ANKRD13C: variants seen among roughly 807,000 people sequenced by gnomAD.
The protein encoded by ANKRD13C is ankyrin repeat domain 13C, also known as ankyrin repeat domain-containing protein 13C.
Under a neutral mutation model 65.5 loss-of-function variants are expected in ANKRD13C, and 16 were observed. That is an observed-to-expected ratio of 0.24 (90% CI 0.17 to 0.37). The LOEUF (loss-of-function observed/expected upper bound fraction) is 0.37, where lower values mean the gene tolerates loss of function less well. ANKRD13C is among the 10% of genes least tolerant of loss of function. The pLI is 1.00. For missense variants in ANKRD13C, 503 were observed against 655.9 expected, an observed-to-expected ratio of 0.77 and a Z score of 2.55; for synonymous variants, 235 against 238.7, an observed-to-expected ratio of 0.98 and a Z score of 0.14.
chr1:70,262,210 T>C lies in ANKRD13C; in HGVS notation c.*507A>G, dbSNP rs1046688450. 2.0e-5 allele frequency: 3 copies of C among 152,648 alleles called. No homozygotes were observed. The highest frequency in any genetic ancestry group is 4.4e-5 in the Non-Finnish European group (3 of 68,044). 9.5% of individuals were successfully genotyped at this position (152,648 alleles called of 1,614,324 possible). Reference sequence around the variant, plus strand: ...AACAAACATTCAAATTACTGAACTATACATAATGTTACATAGTTTACATTT... The same window carrying C: ...AACAAACATTCAAATTACTGAACTACACATAATGTTACATAGTTTACATTT... On this transcript the variant is annotated 3_prime_UTR_variant, in exon 13 of 13. Transcript: ENST00000370944.
Position 70,309,715 on chromosome 1 carries a change from C to CAAA in ANKRD13C, c.710-3428_710-3426dup, listed in dbSNP as rs1165416550. ...TGGGCGACAGAGCCAGACTCCGTCG[C>CAAA]AAAAAAAAAAAAAAAAAAATAATAA... is the stretch of plus-strand genomic sequence containing the variant. On this transcript the variant is annotated intron_variant, in intron 5 of 12. Coordinates refer to ENST00000370944, the MANE Select transcript of ANKRD13C (RefSeq NM_030816.5). Among the ~76,000 whole-genome samples, 484 of 138,756 alleles carry CAAA rather than the reference C, an allele frequency of 3.5e-3. 1 individual carries two copies. The highest frequency in any genetic ancestry group is 0.01 in the African/African-American group (393 of 37,724). 91.0% of individuals were successfully genotyped at this position (138,756 alleles called of 152,430 possible).
intron 1 of ANKRD13C, among the ~76,000 whole-genome samples, chr1:70,339,801 T>A (rs1030470824): frequency 1.8e-4 from 26 of 146,664 alleles, no homozygotes; most frequent in African/African-American, 6.2e-4. Flanking sequence ...CTTTTTCTCT[T>A]GATCAGTACG....
intron 5 of ANKRD13C, among the ~76,000 whole-genome samples, chr1:70,311,073 A>G (rs1680827162): frequency 6.6e-6 from 1 of 152,250 alleles, no homozygotes; most frequent in African/African-American, 2.4e-5. Context: ...AGAATTTAAA[A>G]TTCTCTATAC....
chr1:70,340,939 C>T (rs1364595542), intron 1 of ANKRD13C, among the ~76,000 whole-genome samples: 2 of 152,086 alleles, frequency 1.3e-5, no homozygotes, highest in African/African-American at 4.8e-5. Flanking sequence ...GGTGAAACCC[C>T]GTCTCTACTA....
intron 8 of ANKRD13C, among the ~76,000 whole-genome samples, chr1:70,293,122 C>T (rs1679929444): frequency 1.3e-5 from 2 of 152,062 alleles, no homozygotes. Flanking sequence ...AAAGAGTACC[C>T]TTGCTCACCA....
chr1:70,278,303 G>A (rs1679230364), intron 9 of ANKRD13C, among the ~76,000 whole-genome samples: 2 of 151,796 alleles, frequency 1.3e-5, no homozygotes, highest in South Asian at 4.2e-4. Context: ...GACCAGCCTG[G>A]CCTATATGGT....
rs969102196 is a variant in ANKRD13C, at chr1:70,292,438, T to C, written c.1165A>G (p.Ile389Val). 2.5e-6 allele frequency: 4 copies of C among 1,607,618 alleles called. No individual in the cohort carries two copies. Among genetic ancestry groups the C allele is most frequent in the Non-Finnish European group, 3.4e-6 (4 of 1,178,428 alleles). Residue 389 changes from isoleucine to valine, a missense_variant, in exon 9 of 13, where the codon ATC (isoleucine) becomes GTC (valine). By Grantham distance (29) the Ile-to-Val change is conservative. Coordinates refer to ENST00000370944, the MANE Select transcript of ANKRD13C (RefSeq NM_030816.5). Reference protein sequence around the residue: ...SEEDILRNKAIMESLSKGGNI... With the variant: ...SEEDILRNKAVMESLSKGGNI... ...CCACCTTTACTCAAACTCTCCATGA[T>C]GGCCTTATTTCGAAGAATATCCTCT...
intron 5 of ANKRD13C, among the ~76,000 whole-genome samples, chr1:70,308,597 G>A (rs1457212688): frequency 6.6e-6 from 1 of 151,962 alleles, no homozygotes; most frequent in Non-Finnish European, 1.5e-5. Context: ...AAATTAGCCA[G>A]GTGTGGTGGC....
chr1:70,306,346 C>A, intron 5 of ANKRD13C, 56 bp from the exon 6 acceptor site: 1 of 1,158,002 alleles, frequency 8.6e-7, no homozygotes, highest in Non-Finnish European at 1.2e-6. Context: ...GAGATATTTA[C>A]AAACTTTTAA....
chr1:70,340,714 G>C (rs921747498), intron 1 of ANKRD13C, among the ~76,000 whole-genome samples: 1 of 152,164 alleles, frequency 6.6e-6, no homozygotes, highest in African/African-American at 2.4e-5. Context: ...TTGAAGCCAT[G>C]TTATCAAGTG....
intron 7 of ANKRD13C, among the ~76,000 whole-genome samples, chr1:70,299,233 T>C (rs1313017741): frequency 4.6e-5 from 7 of 152,148 alleles, no homozygotes; most frequent in African/African-American, 1.7e-4. Context: ...CTGGCACATC[T>C]GACAAACTGC....
intron 2 of ANKRD13C, among the ~76,000 whole-genome samples, chr1:70,332,067 C>A (rs1319706443): frequency 6.6e-6 from 1 of 152,140 alleles, no homozygotes; most frequent in Non-Finnish European, 1.5e-5. Context: ...GTTGTGTCTA[C>A]TCTATTTGAA....
Position 70,354,714 on chromosome 1 carries a change from C to A in ANKRD13C, c.-306G>T. ...CGAAAAACAGGGCACGGCCATCTTCCTCTTGCTCCTCTCGCGAGAGCTCCC... is the reference window on the plus strand; with the variant it reads ...CGAAAAACAGGGCACGGCCATCTTCATCTTGCTCCTCTCGCGAGAGCTCCC... On this transcript the variant is annotated 5_prime_UTR_variant, in exon 1 of 13. The change creates a new upstream start codon in the 5' untranslated region. Coordinates refer to ENST00000370944, the MANE Select transcript of ANKRD13C (RefSeq NM_030816.5). 1.4e-6 allele frequency: 1 copy of A among 730,782 alleles called. No homozygotes were observed. The highest frequency in any genetic ancestry group is 2.2e-6 in the Non-Finnish European group (1 of 456,808). The allele number at this position is 730,782 out of a possible 1,614,324, so 45.3% of individuals were successfully genotyped here. A position where few individuals can be genotyped will look rare whatever the true frequency, so the allele number is the denominator to read the frequency against.
chr1:70,297,797 C>T (rs1680156913), intron 7 of ANKRD13C, among the ~76,000 whole-genome samples: 1 of 150,692 alleles, frequency 6.6e-6, no homozygotes, highest in East Asian at 2.0e-4. Context: ...CCTGTAGTCC[C>T]AGCTACTCGG....
intron 2 of ANKRD13C, 30 bp from the exon 3 acceptor site, chr1:70,324,987 C>T: frequency 2.7e-6 from 4 of 1,475,770 alleles, no homozygotes; most frequent in Non-Finnish European, 3.7e-6. Flanking sequence ...TAATATCAAA[C>T]ATCATGCAAT....
chr1:70,292,339 T>C, intron 9 of ANKRD13C, 49 bp downstream of exon 9: 5 of 1,413,726 alleles, frequency 3.5e-6, no homozygotes, highest in Non-Finnish European at 4.8e-6. Context: ...ATGAAATCTA[T>C]CCCCTCTCTT....
At chr1:70,335,111 T>TA (rs892576512) in intron 2 of ANKRD13C, among the ~76,000 whole-genome samples, 9 of 151,878 alleles carry the variant, frequency 5.9e-5, no homozygotes, top group African/African-American at 2.2e-4. Context: ...TATATTTCTT[T>TA]AAAAAATTGT....
intron 2 of ANKRD13C, among the ~76,000 whole-genome samples, chr1:70,335,208 C>G (rs1681968863): frequency 1.3e-5 from 2 of 151,944 alleles, no homozygotes; most frequent in African/African-American, 4.8e-5. Context: ...AGATCGAGAC[C>G]AGACTGGCCA....
intron 9 of ANKRD13C, among the ~76,000 whole-genome samples, chr1:70,290,157 A>T (rs1231827384): frequency 6.6e-6 from 1 of 152,214 alleles, no homozygotes; most frequent in Non-Finnish European, 1.5e-5. Flanking sequence ...TCACAATTTT[A>T]AACATTTTAC....
Sources: allele counts gnomAD v4.1 joint callset (sites outside exome capture counted in the v4.1 genomes callset), GRCh38; gene constraint gnomAD v4.1.1; transcripts MANE v1.5; gene names NCBI Gene and HGNC (gene_info 2026-07-23, HGNC 2026-07-21).